The following LINGO2 variants were observed in gnomAD, a reference collection of about 807,000 sequenced individuals.
LINGO2 encodes the protein leucine rich repeat and Ig domain containing 2.
Under a neutral mutation model 30.6 loss-of-function variants are expected in LINGO2, and 14 were observed. The observed-to-expected ratio is 0.46, with a 90% CI of 0.30 to 0.72. The LOEUF is 0.72. LINGO2 is among the 30% of genes least tolerant of loss of function. LINGO2 has a pLI of 0.07. For synonymous variants in LINGO2, 317 were observed against 288.5 expected (o/e 1.10, Z -1.00); for missense variants, 729 against 751.7 (o/e 0.97, Z 0.35).
At chr9:28,042,802 T>C (rs1824254592) in intron 4 of LINGO2, among the ~76,000 whole-genome samples, 1 of 152,202 alleles carries the variant, frequency 6.6e-6, no homozygotes, top group Non-Finnish European at 1.5e-5. Flanking sequence ...CCTATTTTCT[T>C]CCTTCTTCCC....
At chr9:28,102,111 T>G (rs1033044814) in intron 4 of LINGO2, among the ~76,000 whole-genome samples, 7 of 152,044 alleles carry the variant, frequency 4.6e-5, no homozygotes, top group Admixed American at 2.0e-4. Flanking sequence ...CAAAACTGTT[T>G]TGGTCTGTCC....
chr9:28,424,503 A>G (rs1182541218), intron 2 of LINGO2, among the ~76,000 whole-genome samples: 1 of 152,156 alleles, frequency 6.6e-6, no homozygotes, highest in Non-Finnish European at 1.5e-5. Flanking sequence ...GATCAGGCTC[A>G]CTGAGATTAG....
At chr9:28,186,871 C>G (rs1396707154) in intron 4 of LINGO2, among the ~76,000 whole-genome samples, 4 of 152,094 alleles carry the variant, frequency 2.6e-5, no homozygotes, top group African/African-American at 9.7e-5. Context: ...AGAGAAATAA[C>G]TGGGGACAAA....
the LINGO2 span, among the ~76,000 whole-genome samples, chr9:28,729,808 AATC>A: frequency 6.6e-6 from 1 of 152,018 alleles, no homozygotes; most frequent in African/African-American, 2.4e-5. Flanking sequence ...AATTCAAAAA[AATC>A]AATTATATTA....
At chr9:28,546,063 C>T (rs2135481333) in intron 1 of LINGO2, among the ~76,000 whole-genome samples, 1 of 152,130 alleles carries the variant, frequency 6.6e-6, no homozygotes, top group Admixed American at 6.5e-5. Context: ...TTCATGATCT[C>T]ACTTATATGT....
chr9:28,542,088 A>C (rs1159326718), intron 1 of LINGO2, among the ~76,000 whole-genome samples: 4 of 152,116 alleles, frequency 2.6e-5, no homozygotes, highest in Admixed American at 2.6e-4. Flanking sequence ...CAGGATTAGG[A>C]AGGGAAAGAA....
the LINGO2 span, among the ~76,000 whole-genome samples, chr9:28,908,929 G>T: frequency 6.6e-6 from 1 of 151,674 alleles, no homozygotes; most frequent in Non-Finnish European, 1.5e-5. Flanking sequence ...TTTTGATTTG[G>T]TATGTTTTAT....
In LINGO2 at chr9:28,174,344, T is replaced by C. The variant is rs146970005; in HGVS notation, c.-87+120864A>G. 5.7e-3 allele frequency among the ~76,000 whole-genome samples: 874 copies of C among 152,350 alleles called. 7 individuals are homozygous for C. Among genetic ancestry groups the C allele is most frequent in the African/African-American group, 0.015 (634 of 41,584 alleles). ...AGCATACTGGGTCAGAACACTGCTA[T>C]GTAAAATTACTTGCTTTCAGTTTAC... On this transcript the variant is annotated intron_variant, in intron 4 of 5. Coordinates refer to ENST00000379992, the Ensembl canonical transcript of LINGO2.
At chr9:28,089,853 T>C (rs1194176422) in intron 4 of LINGO2, among the ~76,000 whole-genome samples, 3 of 152,002 alleles carry the variant, frequency 2.0e-5, no homozygotes, top group East Asian at 1.9e-4. Context: ...AAGAATCAAA[T>C]AGATGCAATA....
chr9:28,552,136 A>G (rs1455863498), intron 1 of LINGO2, among the ~76,000 whole-genome samples: 4 of 151,952 alleles, frequency 2.6e-5, no homozygotes, highest in African/African-American at 9.7e-5. Flanking sequence ...GAAATTATAA[A>G]TTTACCTTGT....
At chr9:28,220,937 A>C (rs999600600) in intron 4 of LINGO2, among the ~76,000 whole-genome samples, 5 of 152,216 alleles carry the variant, frequency 3.3e-5, no homozygotes, top group Non-Finnish European at 7.3e-5. Context: ...AGTTAGTAGG[A>C]ATAAATTCAA....
At chr9:28,005,376 G>A (rs1822211283) in intron 5 of LINGO2, among the ~76,000 whole-genome samples, 1 of 152,150 alleles carries the variant, frequency 6.6e-6, no homozygotes, top group Admixed American at 6.6e-5. Flanking sequence ...ACTTCTCTGA[G>A]ATGATTTCAG....
chr9:28,654,970 G>A (rs186432274), intron 1 of LINGO2, among the ~76,000 whole-genome samples: 2 of 152,110 alleles, frequency 1.3e-5, no homozygotes, highest in East Asian at 3.9e-4. Flanking sequence ...TATCCTAATG[G>A]TGATGGAATT....
At chr9:28,276,298 C>A (rs1030817252) in intron 4 of LINGO2, among the ~76,000 whole-genome samples, 1 of 152,276 alleles carries the variant, frequency 6.6e-6, no homozygotes, top group African/African-American at 2.4e-5. Flanking sequence ...CACGTTGCCT[C>A]CCATATGGAC....
At chr9:28,790,677 CAAG>C in the LINGO2 span, among the ~76,000 whole-genome samples, 3 of 152,014 alleles carry the variant, frequency 2.0e-5, no homozygotes, top group Admixed American at 1.3e-4. Context: ...CTCATCATCA[CAAG>C]AAGAAGAGTG....
Position 28,600,506 on chromosome 9 carries a change from G to A in LINGO2, c.-365+69694C>T, listed in dbSNP as rs556248792. Among the ~76,000 whole-genome samples the A allele has an allele frequency of 3.3e-5, 5 of 152,232 alleles. No individual in the cohort carries two copies. In the East Asian group the frequency reaches 9.6e-4, roughly 29 times the overall value. ...GCACTATTATAATAAGCATCTGAGAGTATCATCTCTTTGGTCACATGGATG... is the reference window on the plus strand; with the variant it reads ...GCACTATTATAATAAGCATCTGAGAATATCATCTCTTTGGTCACATGGATG... On this transcript the variant is annotated intron_variant, in intron 1 of 5. Transcript: ENST00000379992.
chr9:28,614,052 A>T (rs1445442124), intron 1 of LINGO2, among the ~76,000 whole-genome samples: 1 of 152,190 alleles, frequency 6.6e-6, no homozygotes, highest in Non-Finnish European at 1.5e-5. Context: ...CATATGGTTT[A>T]CTGATGCCTG....
At chr9:28,553,059 A>C (rs1822395936) in intron 1 of LINGO2, among the ~76,000 whole-genome samples, 1 of 151,924 alleles carries the variant, frequency 6.6e-6, no homozygotes, top group Admixed American at 6.6e-5. Context: ...ATATCTAATA[A>C]TCCTTGGGAT....
chr9:28,301,382 A>G (rs1824137321), intron 3 of LINGO2, among the ~76,000 whole-genome samples: 1 of 152,056 alleles, frequency 6.6e-6, no homozygotes, highest in African/African-American at 2.4e-5. Context: ...AAAAACAAAA[A>G]AAACAGAAAC....
Sources: allele counts gnomAD v4.1 joint callset (sites outside exome capture counted in the v4.1 genomes callset), GRCh38; gene constraint gnomAD v4.1.1; transcripts MANE v1.5; gene names NCBI Gene and HGNC (gene_info 2026-07-23, HGNC 2026-07-21).